The following DCP1A variants were observed in gnomAD, a reference collection of about 807,000 sequenced individuals.
DCP1A encodes mRNA-decapping enzyme 1A.
A neutral mutation model predicts 58.0 loss-of-function variants in DCP1A; 20 were observed. The observed-to-expected ratio is 0.34, with a 90% CI of 0.24 to 0.50. The LOEUF (loss-of-function observed/expected upper bound fraction) is 0.50, where lower values mean the gene tolerates loss of function less well. Among genes scored for constraint, DCP1A ranks in the 20% least tolerant of loss-of-function variants. The pLI, the probability that DCP1A is intolerant of heterozygous loss-of-function variation, is 0.98. For missense variants in DCP1A, 613 were observed against 712.2 expected (o/e 0.86, Z 1.59); for synonymous variants, 285 against 275.1 (o/e 1.04, Z -0.36).
chr3:53,283,885 C>T lies in DCP1A; in HGVS notation c.*3695G>A, dbSNP rs1553684761. On this transcript the variant is annotated 3_prime_UTR_variant, in exon 10 of 10. Coordinates refer to ENST00000610213, the MANE Select transcript of DCP1A (RefSeq NM_018403.7). ...AAACGGAGGGAATCACTGCACACAT[C>T]TGTTGAATTTGCTGAAAAACAGGCT... is the stretch of plus-strand genomic sequence containing the variant. The T allele has an allele frequency of 6.6e-6, 1 of 152,196 alleles. No homozygotes were observed. The highest frequency in any genetic ancestry group is 1.5e-5 in the Non-Finnish European group (1 of 68,048). The allele number at this position is 152,196 out of a possible 1,614,324, so 9.4% of individuals were successfully genotyped here.
chr3:53,308,282 T>C (rs1029484767), intron 5 of DCP1A, among the ~76,000 whole-genome samples: 1 of 152,202 alleles, frequency 6.6e-6, no homozygotes, highest in Admixed American at 6.5e-5. Context: ...TTCATGTTTA[T>C]TTAGGTATTT....
chr3:53,296,780 T>C (rs1707141740), intron 6 of DCP1A, among the ~76,000 whole-genome samples: 1 of 152,248 alleles, frequency 6.6e-6, no homozygotes, highest in Non-Finnish European at 1.5e-5. Context: ...CATCCATTAA[T>C]GGACACTGGA....
intron 3 of DCP1A, among the ~76,000 whole-genome samples, chr3:53,334,406 A>T (rs781171528): frequency 6.6e-6 from 1 of 152,088 alleles, no homozygotes; most frequent in Admixed American, 6.6e-5. Context: ...GATTTCTGCC[A>T]TTTTATTTTG....
intron 3 of DCP1A, chr3:53,333,096 T>C (rs2089042791): frequency 6.6e-6 from 1 of 151,862 alleles, no homozygotes; most frequent in Non-Finnish European, 1.5e-5. Context: ...TTAATGTCAG[T>C]AGCAGAACTA....
intron 6 of DCP1A, among the ~76,000 whole-genome samples, chr3:53,293,317 T>C (rs1305265162): frequency 6.6e-6 from 1 of 152,214 alleles, no homozygotes; most frequent in Non-Finnish European, 1.5e-5. Flanking sequence ...CCTTAGTCCC[T>C]AGTCACAGAA....
At chr3:53,336,458 ATC>A (rs1177031330) in intron 3 of DCP1A, among the ~76,000 whole-genome samples, 1 of 152,114 alleles carries the variant, frequency 6.6e-6, no homozygotes, top group East Asian at 1.9e-4. Flanking sequence ...TATAATCTGT[ATC>A]TGGTATTTAC....
At chr3:53,315,566 G>A (rs1044164568) in intron 4 of DCP1A, among the ~76,000 whole-genome samples, 13 of 148,908 alleles carry the variant, frequency 8.7e-5, no homozygotes, top group African/African-American at 3.2e-4. Flanking sequence ...AAGAGTTTCT[G>A]GCAGACTGGA....
chr3:53,341,905 G>A (rs1419304788), intron 3 of DCP1A, among the ~76,000 whole-genome samples: 2 of 152,008 alleles, frequency 1.3e-5, no homozygotes, highest in African/African-American at 4.8e-5. Context: ...TCGAACTCCT[G>A]ACCTCAAGTG....
chr3:53,317,915 G>A (rs529818879), intron 4 of DCP1A, among the ~76,000 whole-genome samples: 12 of 152,322 alleles, frequency 7.9e-5, no homozygotes, highest in Admixed American at 2.0e-4. Context: ...GATAACTTCC[G>A]ATCAGGACAT....
At chr3:53,308,333 T>C (rs1490974501) in intron 5 of DCP1A, among the ~76,000 whole-genome samples, 1 of 152,198 alleles carries the variant, frequency 6.6e-6, no homozygotes, top group African/African-American at 2.4e-5. Flanking sequence ...CATGCTCTGT[T>C]GCCCAGGCTG....
Position 53,299,077 on chromosome 3 carries a change from A to G in DCP1A, c.624+5100T>C, listed in dbSNP as rs566693919. 2.6e-5 allele frequency among the ~76,000 whole-genome samples: 4 copies of G among 152,360 alleles called. No individual in the cohort carries two copies. The South Asian group carries it at 6.2e-4, about 24-fold the overall frequency. ...GATGTTCGGAGAATGAAATCGCCTA[A>G]TGACACATTTCTCAGAAAGTATTCC... On this transcript the variant is annotated intron_variant, in intron 6 of 9. Coordinates refer to ENST00000610213, the MANE Select transcript of DCP1A (RefSeq NM_018403.7).
intron 3 of DCP1A, among the ~76,000 whole-genome samples, chr3:53,329,956 G>C (rs2088955993): frequency 6.6e-6 from 1 of 152,156 alleles, no homozygotes; most frequent in Non-Finnish European, 1.5e-5. Context: ...TCTATGGTGA[G>C]AATAAGGTTA....
intron 5 of DCP1A, among the ~76,000 whole-genome samples, chr3:53,306,523 C>A (rs1399583197): frequency 2.0e-5 from 3 of 151,824 alleles, no homozygotes; most frequent in Non-Finnish European, 4.4e-5. Context: ...TCAAGACCAG[C>A]CTGGGCAACA....
chr3:53,322,940 T>TGGGATTACAGGCGCCCG (rs1184676245), intron 3 of DCP1A, among the ~76,000 whole-genome samples: 3 of 152,066 alleles, frequency 2.0e-5, no homozygotes, highest in Non-Finnish European at 2.9e-5. Flanking sequence ...CCCGAGTAGC[T>TGGGATTACAGGCGCCCG]GGGATTACAG....
intron 3 of DCP1A, among the ~76,000 whole-genome samples, chr3:53,329,765 A>G (rs1306377336): frequency 1.3e-5 from 2 of 152,260 alleles, no homozygotes; most frequent in African/African-American, 2.4e-5. Flanking sequence ...TTTACAGAAA[A>G]CATTAAAAAA....
intron 7 of DCP1A, among the ~76,000 whole-genome samples, chr3:53,291,058 T>C (rs1259099338): frequency 6.6e-6 from 1 of 152,180 alleles, no homozygotes; most frequent in Non-Finnish European, 1.5e-5. Context: ...TCAACTGCAC[T>C]AGAGCTCTGC....
chr3:53,347,463 G>A lies in DCP1A; in HGVS notation c.55C>T (p.His19Tyr). 1 of 1,613,734 alleles carries A rather than the reference G, an allele frequency of 6.2e-7. No individual in the cohort carries two copies. The highest frequency in any genetic ancestry group is 1.3e-5 in the African/African-American group (1 of 75,052). Reference protein sequence around the residue: ...QEMSLAALKQHDPYITSIADL... With the variant: ...QEMSLAALKQYDPYITSIADL... ...GCGATGCTGGTGATATAGGGGTCGT[G>A]TTGCTTCAGGGCCGCTAGGCTCATC... is the stretch of plus-strand genomic sequence containing the variant. The change falls in exon 1 of 10, where the codon CAC becomes TAC. Residue 19 changes from histidine (H) to tyrosine (Y), a missense_variant. His to Tyr is a moderately conservative substitution (Grantham distance 83, BLOSUM62 2). Transcript: ENST00000610213.
intron 2 of DCP1A, among the ~76,000 whole-genome samples, chr3:53,343,282 G>A (rs141759586): frequency 6.6e-6 from 1 of 152,316 alleles, no homozygotes; most frequent in African/African-American, 2.4e-5. Context: ...ACTATATGAA[G>A]TAATAGCTGC....
rs1332849393 is a variant in DCP1A, at chr3:53,287,270, C to CT, written c.*309dup. ...TTGAAAGTGAAAGCAAGCTGAGAATCTGACTCCTTATTCCACAGCCTTGCT... is the reference window on the plus strand; with the variant it reads ...TTGAAAGTGAAAGCAAGCTGAGAATCTTGACTCCTTATTCCACAGCCTTGCT... On this transcript the variant is annotated 3_prime_UTR_variant, in exon 10 of 10. Coordinates refer to ENST00000610213, the MANE Select transcript of DCP1A (RefSeq NM_018403.7). 2 of 234,586 alleles carry CT rather than the reference C, an allele frequency of 8.5e-6. No individual in the cohort carries two copies. The highest frequency in any genetic ancestry group is 4.6e-5 in the African/African-American group (2 of 43,332). The allele number at this position is 234,586 out of a possible 1,614,324, so 14.5% of individuals were successfully genotyped here. A position where few individuals can be genotyped will look rare whatever the true frequency, so the allele number is the denominator to read the frequency against.
Sources: gnomAD v4.1 joint callset for allele counts (sites outside exome capture counted in the v4.1 genomes callset) on GRCh38, gnomAD v4.1.1 for gene constraint, MANE v1.5 for transcripts, NCBI Gene and HGNC (gene_info 2026-07-23, HGNC 2026-07-21) for gene names.